The following SH3D19 variants were observed in gnomAD, a reference collection of about 807,000 sequenced individuals.
The protein encoded by SH3D19 is SH3 domain-containing protein 19.
Under a neutral mutation model 112.1 loss-of-function variants are expected in SH3D19, and 58 were observed. That is an observed-to-expected ratio of 0.52 (90% CI 0.42 to 0.64). SH3D19 has a LOEUF of 0.64. Ranked by LOEUF, SH3D19 falls within the 30% of genes least tolerant of loss-of-function variation. The pLI, the probability that SH3D19 is intolerant of heterozygous loss-of-function variation, is 0.00. For synonymous variants in SH3D19, 391 were observed against 448.5 expected (o/e 0.87, Z 1.62); for missense variants, 1,090 against 1,263.4 (o/e 0.86, Z 2.08).
intron 1 of SH3D19, among the ~76,000 whole-genome samples, chr4:151,317,447 C>A (rs1730097089): frequency 6.6e-6 from 1 of 152,122 alleles, no homozygotes; most frequent in Non-Finnish European, 1.5e-5. Context: ...GGATGAAAAG[C>A]TGAAATGACC....
chr4:151,219,534 T>A (rs1182791324), intron 2 of SH3D19, among the ~76,000 whole-genome samples: 3 of 152,184 alleles, frequency 2.0e-5, no homozygotes, highest in African/African-American at 7.2e-5. Context: ...TCTTTGAGAG[T>A]TCTGTGCCAA....
At chr4:151,144,420 C>T (rs1392446618) in intron 11 of SH3D19, 5 of 760,052 alleles carry the variant, frequency 6.6e-6, no homozygotes, top group African/African-American at 1.7e-5. Context: ...CTGGCTTCAT[C>T]GCGCTCTAGA....
At chr4:151,324,530 A>G (rs1730858799) in intron 1 of SH3D19, among the ~76,000 whole-genome samples, 1 of 149,840 alleles carries the variant, frequency 6.7e-6, no homozygotes, top group Admixed American at 6.6e-5. Context: ...GCCGCCCGGA[A>G]GAGGGAAGGG....
At chr4:151,312,140 T>G (rs79696220) in intron 1 of SH3D19, among the ~76,000 whole-genome samples, 7,832 of 152,198 alleles carry the variant, frequency 0.051, 641 homozygotes, top group African/African-American at 0.17. Context: ...AAAAACATCA[T>G]GTTGTACATC....
intron 1 of SH3D19, among the ~76,000 whole-genome samples, chr4:151,293,008 T>A (rs564492474): frequency 1.3e-5 from 2 of 152,006 alleles, no homozygotes; most frequent in Admixed American, 6.5e-5. Flanking sequence ...TAATCCCAGC[T>A]ACTCAGGAGG....
At chr4:151,216,877 C>CTGTG (rs34575245) in intron 2 of SH3D19, among the ~76,000 whole-genome samples, 6,029 of 140,796 alleles carry the variant, frequency 0.043, 131 homozygotes, top group South Asian at 0.1. Context: ...CAAAACAACA[C>CTGTG]TGTGTGTGTG....
chr4:151,257,783 C>T (rs1772051412), intron 1 of SH3D19, among the ~76,000 whole-genome samples: 1 of 151,974 alleles, frequency 6.6e-6, no homozygotes, highest in Non-Finnish European at 1.5e-5. Flanking sequence ...GTGGCGCATG[C>T]CTGTAGTCCC....
intron 19 of SH3D19, among the ~76,000 whole-genome samples, chr4:151,122,885 T>A (rs1748311344): frequency 6.9e-6 from 1 of 144,810 alleles, no homozygotes; most frequent in Admixed American, 7.3e-5. Flanking sequence ...GGAGTCTCGC[T>A]CTGTCACCCA....
intron 1 of SH3D19, among the ~76,000 whole-genome samples, chr4:151,288,491 A>C (rs1185102002): frequency 6.6e-6 from 1 of 152,182 alleles, no homozygotes; most frequent in African/African-American, 2.4e-5. Context: ...TCAGGCCTGT[A>C]ATCTCAGCAC....
At chr4:151,265,094 T>C (rs1772673882) in intron 1 of SH3D19, among the ~76,000 whole-genome samples, 1 of 151,920 alleles carries the variant, frequency 6.6e-6, no homozygotes, top group African/African-American at 2.4e-5. Context: ...ATGTGGGCCA[T>C]TAAAAAGCTT....
chr4:151,306,058 ATTT>A (rs1728880699), intron 1 of SH3D19, among the ~76,000 whole-genome samples: 1 of 152,194 alleles, frequency 6.6e-6, no homozygotes, highest in South Asian at 2.1e-4. Flanking sequence ...TTATGAATTC[ATTT>A]ATTTAATATT....
At chr4:151,146,905 A>G (rs865947001) in intron 11 of SH3D19, among the ~76,000 whole-genome samples, 2 of 152,214 alleles carry the variant, frequency 1.3e-5, no homozygotes, top group South Asian at 4.1e-4. Flanking sequence ...AAAAGAGAAC[A>G]AAATCAATAT....
At chr4:151,223,075 T>C (rs1334750680) in intron 2 of SH3D19, among the ~76,000 whole-genome samples, 2 of 149,826 alleles carry the variant, frequency 1.3e-5, no homozygotes, top group Admixed American at 1.3e-4. Context: ...ATAATATACA[T>C]GTTGACTACT....
chr4:151,324,536 A>G (rs1730859971), intron 1 of SH3D19, among the ~76,000 whole-genome samples: 1 of 136,842 alleles, frequency 7.3e-6, no homozygotes, highest in Non-Finnish European at 1.6e-5. Context: ...CGGAAGAGGG[A>G]AGGGGTGTGG....
chr4:151,147,428 C>T (rs1409107081), intron 11 of SH3D19, among the ~76,000 whole-genome samples: 1 of 152,184 alleles, frequency 6.6e-6, no homozygotes, highest in Non-Finnish European at 1.5e-5. Context: ...CCCTACATTT[C>T]TCCTAATAAT....
At chr4:151,258,286 A>G (rs1772098417) in intron 1 of SH3D19, among the ~76,000 whole-genome samples, 1 of 152,210 alleles carries the variant, frequency 6.6e-6, no homozygotes, top group African/African-American at 2.4e-5. Context: ...AACACTGGTC[A>G]GAAAACTGAC....
At chr4:151,200,571 A>G (rs755148517) in intron 2 of SH3D19, among the ~76,000 whole-genome samples, 7 of 152,184 alleles carry the variant, frequency 4.6e-5, no homozygotes, top group Non-Finnish European at 1.0e-4. Flanking sequence ...TAAATTGGCC[A>G]TGGTGGGAAT....
chr4:151,273,054 C>T (rs1773334564), intron 1 of SH3D19, among the ~76,000 whole-genome samples: 1 of 152,156 alleles, frequency 6.6e-6, no homozygotes, highest in Non-Finnish European at 1.5e-5. Context: ...ACACTTTATA[C>T]AGGAAAACTA....
intron 2 of SH3D19, among the ~76,000 whole-genome samples, chr4:151,206,939 T>A (rs1341332683): frequency 6.6e-6 from 1 of 152,228 alleles, no homozygotes; most frequent in African/African-American, 2.4e-5. Flanking sequence ...CCAGTGTTCA[T>A]CAGCATGCAT....
Sources: gnomAD v4.1 joint callset for allele counts (sites outside exome capture counted in the v4.1 genomes callset) on GRCh38, gnomAD v4.1.1 for gene constraint, MANE v1.5 for transcripts, NCBI Gene and HGNC (gene_info 2026-07-23, HGNC 2026-07-21) for gene names.